The following GRM5 variants were observed in gnomAD, a reference collection of about 807,000 sequenced individuals.
GRM5 encodes glutamate metabotropic receptor 5.
In GRM5, 19 loss-of-function variants were observed where a neutral mutation model predicts 83.1. The observed-to-expected ratio is 0.23, with a 90% CI of 0.16 to 0.34. GRM5 has a LOEUF of 0.34. Ranked by LOEUF, GRM5 falls within the 10% of genes least tolerant of loss-of-function variation. The pLI is 1.00. For missense variants in GRM5, 1,160 were observed against 1,588.3 expected (o/e 0.73, Z 4.58); for synonymous variants, 675 against 633.6 (o/e 1.07, Z -0.98).
At chr11:88,631,780 G>A (rs975926420) in intron 4 of GRM5, among the ~76,000 whole-genome samples, 1 of 152,136 alleles carries the variant, frequency 6.6e-6, no homozygotes, top group African/African-American at 2.4e-5. Flanking sequence ...AGCAGGAGGA[G>A]AAGAACATCC....
intron 2 of GRM5, among the ~76,000 whole-genome samples, chr11:88,899,619 G>A (rs1174033472): frequency 2.0e-5 from 3 of 151,908 alleles, no homozygotes; most frequent in East Asian, 3.9e-4. Flanking sequence ...TGAAATTTAA[G>A]CTCCATTTAG....
At chr11:88,815,855 G>T (rs1943667190) in intron 3 of GRM5, among the ~76,000 whole-genome samples, 1 of 152,122 alleles carries the variant, frequency 6.6e-6, no homozygotes, top group South Asian at 2.1e-4. Context: ...TAAATGTTTG[G>T]GGGACAAGCA....
chr11:88,517,601 G>GTATCA (rs1941557687), intron 9 of GRM5, among the ~76,000 whole-genome samples: 2 of 152,220 alleles, frequency 1.3e-5, no homozygotes, highest in South Asian at 4.1e-4. Context: ...ATGGGAATAT[G>GTATCA]CCAATAAGAT....
chr11:88,822,336 A>G (rs16914988), intron 3 of GRM5, among the ~76,000 whole-genome samples: 7,735 of 152,298 alleles, frequency 0.051, 371 homozygotes, highest in Admixed American at 0.16. Context: ...AAAATGCCGA[A>G]TAATATTTAA....
intron 2 of GRM5, among the ~76,000 whole-genome samples, chr11:88,928,964 G>C (rs1937623435): frequency 6.7e-6 from 1 of 148,216 alleles, no homozygotes; most frequent in East Asian, 2.0e-4. Context: ...TTATTTCTTT[G>C]GTACTTTGGC....
intron 2 of GRM5, among the ~76,000 whole-genome samples, chr11:88,918,178 C>A (rs1393542164): frequency 2.0e-5 from 3 of 151,078 alleles, no homozygotes; most frequent in Non-Finnish European, 2.9e-5. Flanking sequence ...CATGACCTAT[C>A]TAAAATGCTG....
intron 1 of GRM5, among the ~76,000 whole-genome samples, chr11:89,050,090 C>T (rs978465683): frequency 1.3e-5 from 2 of 152,096 alleles, no homozygotes; most frequent in African/African-American, 2.4e-5. Context: ...AATATCAATC[C>T]CATGCATTTT....
intron 3 of GRM5, among the ~76,000 whole-genome samples, chr11:88,747,382 G>C (rs1942166141): frequency 6.6e-6 from 1 of 152,148 alleles, no homozygotes; most frequent in Admixed American, 6.6e-5. Context: ...ATAGAACGAA[G>C]ATAAATGCCT....
intron 1 of GRM5, among the ~76,000 whole-genome samples, chr11:89,053,754 G>T (rs946334943): frequency 1.3e-5 from 2 of 151,712 alleles, no homozygotes; most frequent in Admixed American, 1.3e-4. Context: ...TGAGTAATGT[G>T]GCCAAAGAAG....
chr11:89,043,363 T>G (rs1941575164), intron 2 of GRM5, among the ~76,000 whole-genome samples: 1 of 152,168 alleles, frequency 6.6e-6, no homozygotes, highest in Non-Finnish European at 1.5e-5. Flanking sequence ...AATAATTACT[T>G]TTCTTAATGA....
chr11:88,775,709 T>A (rs191031704), intron 3 of GRM5, among the ~76,000 whole-genome samples: 6 of 152,232 alleles, frequency 3.9e-5, no homozygotes. Context: ...CCAGTAGTCA[T>A]TCAGGAGCAA....
intron 2 of GRM5, among the ~76,000 whole-genome samples, chr11:88,930,814 G>C (rs981796706): frequency 3.3e-5 from 5 of 152,058 alleles, no homozygotes; most frequent in African/African-American, 1.2e-4. Flanking sequence ...CTCCAACAGT[G>C]CTGGGATTAC....
chr11:88,995,782 T>C (rs1940167008), intron 2 of GRM5, among the ~76,000 whole-genome samples: 1 of 152,088 alleles, frequency 6.6e-6, no homozygotes, highest in African/African-American at 2.4e-5. Context: ...GTATCAGACA[T>C]GTGAAGGGTA....
At chr11:88,761,118 G>A (rs1463583441) in intron 3 of GRM5, among the ~76,000 whole-genome samples, 3 of 152,122 alleles carry the variant, frequency 2.0e-5, no homozygotes, top group African/African-American at 7.2e-5. Context: ...AAAGCTGGAA[G>A]CATTTGCTTT....
rs544250919 is a variant in GRM5 at position 88,520,229 on chromosome 11, C to T, written c.2726+5080G>A. Among the ~76,000 whole-genome samples, 40 of 152,182 alleles carry T rather than the reference C, an allele frequency of 2.6e-4. No individual in the cohort carries two copies. In the Middle Eastern group the frequency reaches 0.01, roughly 39 times the overall value. On this transcript the variant is annotated intron_variant, in intron 9 of 9. Coordinates refer to ENST00000305447, the MANE Select transcript of GRM5 (RefSeq NM_001143831.3). ...CATAGCAATGTTACTAATTCTTCTT[C>T]TTCTTATTTTTTAGAATATGTTAGA... is the stretch of plus-strand genomic sequence containing the variant.
chr11:89,006,382 T>C (rs1287144270), intron 2 of GRM5, among the ~76,000 whole-genome samples: 1 of 152,172 alleles, frequency 6.6e-6, no homozygotes. Flanking sequence ...GCTGACAGTC[T>C]TCCTTTCTTT....
chr11:88,926,091 G>T (rs2135637898), intron 2 of GRM5, among the ~76,000 whole-genome samples: 1 of 152,214 alleles, frequency 6.6e-6, no homozygotes, highest in Admixed American at 6.5e-5. Flanking sequence ...GCTATTATAT[G>T]CACAACACTA....
rs185588064 is a variant in GRM5, at chr11:88,816,940, C to G, written c.911+32966G>C. The stretch of plus-strand genomic sequence containing the variant: ...TTAATTCTGGAAGAAACAGATAACT[C>G]TAACAGATCTATCTATCTGTCTGTC... On this transcript the variant is annotated intron_variant, in intron 3 of 9. Transcript: ENST00000305447. Among the ~76,000 whole-genome samples the G allele has an allele frequency of 1.3e-3, 192 of 152,216 alleles. 1 individual carries two copies. Among genetic ancestry groups the G allele is most frequent in the Non-Finnish European group, 1.0e-3 (70 of 67,988 alleles).
chr11:89,057,023 T>C (rs984881638), intron 1 of GRM5, among the ~76,000 whole-genome samples: 1 of 152,212 alleles, frequency 6.6e-6, no homozygotes, highest in African/African-American at 2.4e-5. Flanking sequence ...CAATCTACAC[T>C]ATATAATCAG....
Sources: gnomAD v4.1 joint callset for allele counts (sites outside exome capture counted in the v4.1 genomes callset) on GRCh38, gnomAD v4.1.1 for gene constraint, MANE v1.5 for transcripts, NCBI Gene and HGNC (gene_info 2026-07-23, HGNC 2026-07-21) for gene names.